ARHGAP27: variants seen among roughly 807,000 people sequenced by gnomAD.
ARHGAP27 encodes the protein Rho GTPase activating protein 27.
ARHGAP27 carries 53 observed loss-of-function variants against 102.0 expected under a neutral mutation model. That is an observed-to-expected ratio of 0.52 (90% confidence interval 0.42 to 0.65). The LOEUF is 0.65. Among genes scored for constraint, ARHGAP27 ranks in the 30% least tolerant of loss-of-function variants. The pLI, the probability that ARHGAP27 is intolerant of heterozygous loss-of-function variation, is 0.00. For synonymous variants in ARHGAP27, 525 were observed against 542.8 expected, an observed-to-expected ratio of 0.97 and a Z score of 0.46; for missense variants, 1,117 against 1,256.2, an observed-to-expected ratio of 0.89 and a Z score of 1.68.
At chr17:45,411,051 G>T (rs955713128) in intron 4 of ARHGAP27, among the ~76,000 whole-genome samples, 2 of 152,086 alleles carry the variant, frequency 1.3e-5, no homozygotes, top group African/African-American at 2.4e-5. Flanking sequence ...TCTCACTTGC[G>T]TGTCCACATA....
At chr17:45,406,594 G>A (rs1398951330) in intron 4 of ARHGAP27, among the ~76,000 whole-genome samples, 2 of 152,242 alleles carry the variant, frequency 1.3e-5, no homozygotes, top group Non-Finnish European at 2.9e-5. Flanking sequence ...GTCAGAGGTT[G>A]GGCAGGAACT....
chr17:45,410,463 G>A, intron 4 of ARHGAP27: 1 of 1,345,612 alleles, frequency 7.4e-7, no homozygotes. Context: ...TGCCTGAGTT[G>A]GGGCGGGTGG....
At chr17:45,420,104 T>G (rs2048883458) in intron 4 of ARHGAP27, among the ~76,000 whole-genome samples, 1 of 152,196 alleles carries the variant, frequency 6.6e-6, no homozygotes. Context: ...CAATTTTTCC[T>G]ACTTCTACCT....
intron 4 of ARHGAP27, chr17:45,408,458 C>T (rs1018490157): frequency 1.8e-4 from 28 of 152,124 alleles, no homozygotes; most frequent in African/African-American, 6.0e-4. Context: ...AGTCCCCAGG[C>T]GCCTGGGGGA....
chr17:45,413,476 A>T (rs988168527), intron 4 of ARHGAP27, among the ~76,000 whole-genome samples: 1 of 152,082 alleles, frequency 6.6e-6, no homozygotes, highest in Non-Finnish European at 1.5e-5. Context: ...TCTGGGCCTC[A>T]GTTTCTTCAT....
chr17:45,410,090 G>A (rs1463564370), intron 4 of ARHGAP27: 12 of 1,090,198 alleles, frequency 1.1e-5, no homozygotes, highest in Non-Finnish European at 1.0e-5. Context: ...TGGATGGGCA[G>A]GGCCTCCGAG....
At chr17:45,404,181 T>C in intron 9 of ARHGAP27, 85 bp from the exon 10 acceptor site, 1 of 1,607,418 alleles carries the variant, frequency 6.2e-7, no homozygotes, top group Non-Finnish European at 8.5e-7. Context: ...CCTGCTCAGC[T>C]GCCACTCTCT....
chr17:45,417,055 G>C (rs1365720796), intron 4 of ARHGAP27, among the ~76,000 whole-genome samples: 2 of 151,522 alleles, frequency 1.3e-5, no homozygotes, highest in African/African-American at 4.8e-5. Flanking sequence ...TACTTGGGAG[G>C]CTGAGGCAGA....
Position 45,395,649 on chromosome 17 carries a change from G to A in ARHGAP27, c.2493-16C>T. On this transcript the variant is annotated splice_polypyrimidine_tract_variant and intron_variant, in intron 19 of 19. Transcript: ENST00000685559. ...CTCGATCACCCTGTGGCAGGGGTGG[G>A]TGGGTTCAGGGCTCCGAACTGCGAA... The A allele has an allele frequency of 3.1e-6, 5 of 1,593,228 alleles. No homozygotes were observed. In the South Asian group the frequency reaches 4.5e-5, roughly 14 times the overall value.
Position 45,396,073 on chromosome 17 carries a change from C to A in ARHGAP27, c.2296G>T (p.Val766Phe), listed in dbSNP as rs749182718. Residue 766 changes from valine to phenylalanine, a missense_variant, in exon 18 of 20, where the codon GTT becomes TTT. Transcript: ENST00000685559. ...LDDGRWEDVH[V>F]ITGALKLFFR... Reference sequence around the variant, plus strand: ...AAGAGCTTCAGGGCTCCGGTGATAACGTGGACGTCCTCCCAGCGCCCGTCA... The same window carrying A: ...AAGAGCTTCAGGGCTCCGGTGATAAAGTGGACGTCCTCCCAGCGCCCGTCA... 5.6e-6 allele frequency: 9 copies of A among 1,613,810 alleles called. No homozygotes were observed. The highest frequency in any genetic ancestry group is 7.6e-6 in the Non-Finnish European group (9 of 1,179,902).
Position 45,411,179 on chromosome 17 carries a change from C to A in ARHGAP27, c.658-5096G>T, listed in dbSNP as rs1299815806. 2.0e-5 allele frequency among the ~76,000 whole-genome samples: 3 copies of A among 152,210 alleles called. 1 individual carries two copies. Among genetic ancestry groups the A allele is most frequent in the African/African-American group, 7.2e-5 (3 of 41,526 alleles). On this transcript the variant is annotated intron_variant, in intron 4 of 19. Coordinates refer to ENST00000685559, the MANE Select transcript of ARHGAP27 (RefSeq NM_001282290.2). Reference sequence around the variant, plus strand: ...TTCTTCCTGGCCTCTCTTCCCTTCACCCCCTCGTGTGGGGATGACAGACCC... The same window carrying A: ...TTCTTCCTGGCCTCTCTTCCCTTCAACCCCTCGTGTGGGGATGACAGACCC...
intron 4 of ARHGAP27, 102 bp downstream of exon 4, chr17:45,429,521 T>C: frequency 1.3e-6 from 2 of 1,530,382 alleles, no homozygotes; most frequent in South Asian, 2.5e-5. Flanking sequence ...GTGGGCGTCG[T>C]GCCCGACGCT....
At chr17:45,405,295 G>A (rs2144524359) in intron 5 of ARHGAP27, among the ~76,000 whole-genome samples, 189 bp from the exon 6 acceptor site, 1 of 151,682 alleles carries the variant, frequency 6.6e-6, no homozygotes. Context: ...GGGAGCAGAA[G>A]GCGTCAGAGG....
chr17:45,411,611 A>G (rs1375579062), intron 4 of ARHGAP27, among the ~76,000 whole-genome samples: 1 of 152,010 alleles, frequency 6.6e-6, no homozygotes, highest in Non-Finnish European at 1.5e-5. Flanking sequence ...TCTGCCCACA[A>G]AAGCTCTCAT....
At position 45,406,008 on chromosome 17, in the gene ARHGAP27, C is replaced by T. The variant is rs2047120108; in HGVS notation, c.733G>A (p.Ala245Thr). ...PRATSPGAAA[A>T]PLPSPVWETH... is the part of the protein sequence containing the mutation. ...TCCCACACCGGGCTGGGAAGGGGGGCTGCAGCGGCGCCCGGTGAAGTGGCC... is the reference window on the plus strand; with the variant it reads ...TCCCACACCGGGCTGGGAAGGGGGGTTGCAGCGGCGCCCGGTGAAGTGGCC... Residue 245 changes from alanine to threonine, a missense_variant, in exon 5 of 20, where the codon GCC becomes ACC. This residue lies in a region of ARHGAP27 where 610 missense variants were observed against 716.4 expected (regional missense o/e 0.85). Transcript: ENST00000685559. The T allele has an allele frequency of 6.5e-7, 1 of 1,535,134 alleles. No individual in the cohort carries two copies. The highest frequency in any genetic ancestry group is 8.7e-7 in the Non-Finnish European group (1 of 1,146,344).
At chr17:45,414,429 C>T (rs1184557083) in intron 4 of ARHGAP27, among the ~76,000 whole-genome samples, 2 of 151,582 alleles carry the variant, frequency 1.3e-5, no homozygotes, top group Non-Finnish European at 2.9e-5. Context: ...AAACTCAAGG[C>T]CTCTCCATGT....
intron 4 of ARHGAP27, among the ~76,000 whole-genome samples, chr17:45,424,728 G>A (rs1184677073): frequency 2.0e-5 from 3 of 152,030 alleles, no homozygotes; most frequent in East Asian, 1.9e-4. Flanking sequence ...CACACCAGTC[G>A]GGTGACGGGT....
rs926921928 is a variant in ARHGAP27 at position 45,396,537 on chromosome 17, C to T, written c.2123G>A (p.Ser708Asn). ...CTGCTGCACGAAGCGTGGCACCCGG[C>T]TCCTCTCGCGCTCACACAGCGCGGC... The part of the protein sequence containing the change: ...ALAALCERER[S>N]RVPRFVQQCI... Residue 708 changes from serine (S) to asparagine (N), a missense_variant, in exon 16 of 20, where the codon AGC becomes AAC. Ser to Asn is a conservative substitution (Grantham distance 46). This residue lies in a region of ARHGAP27 where 493 missense variants were observed against 505.5 expected (regional missense o/e 0.98). Transcript: ENST00000685559. The T allele has an allele frequency of 5.0e-6, 8 of 1,589,710 alleles. No individual in the cohort carries two copies. The highest frequency in any genetic ancestry group is 1.3e-5 in the African/African-American group (1 of 74,584).
At chr17:45,414,266 C>T (rs2048218056) in intron 4 of ARHGAP27, among the ~76,000 whole-genome samples, 1 of 152,152 alleles carries the variant, frequency 6.6e-6, no homozygotes, top group African/African-American at 2.4e-5. Context: ...CCTTCCCCCT[C>T]CCCCAGTGGA....
Sources: gnomAD v4.1 joint callset for allele counts (sites outside exome capture counted in the v4.1 genomes callset) on GRCh38, gnomAD v4.1.1 for gene constraint, gnomAD v4.1.1 regional missense constraint, MANE v1.5 for transcripts, NCBI Gene and HGNC (gene_info 2026-07-23, HGNC 2026-07-21) for gene names.